TRIM13: variants seen among roughly 807,000 people sequenced by gnomAD.
The protein encoded by TRIM13 is E3 ubiquitin-protein ligase TRIM13.
TRIM13 carries 15 observed loss-of-function variants against 27.1 expected under a neutral mutation model. The observed-to-expected ratio is 0.55, with a 90% CI of 0.37 to 0.85. The LOEUF is 0.85. Among genes scored for constraint, TRIM13 ranks in the 40% least tolerant of loss-of-function variants. The pLI is 0.00. For synonymous variants in TRIM13, 193 were observed against 171.5 expected (o/e 1.13, Z -0.98); for missense variants, 402 against 472.2 (o/e 0.85, Z 1.38).
Position 50,015,110 on chromosome 13 carries a change from T to A in TRIM13, c.*1946T>A, listed in dbSNP as rs1306195196. On this transcript the variant is annotated 3_prime_UTR_variant, in exon 2 of 2. Transcript: ENST00000378182. ...AAAAAAAAAAATATATATATATATA[T>A]ATATATATATATATATATATATATA... 1.1e-3 allele frequency: 11 copies of A among 10,274 alleles called. No homozygotes were observed. Among genetic ancestry groups the A allele is most frequent in the African/African-American group, 3.0e-3 (11 of 3,614 alleles). 0.6% of individuals were successfully genotyped at this position (10,274 alleles called of 1,614,324 possible).
chr13:50,008,286 A>T (rs1456529982), intron 1 of TRIM13, among the ~76,000 whole-genome samples: 1 of 152,130 alleles, frequency 6.6e-6, no homozygotes, highest in Non-Finnish European at 1.5e-5. Flanking sequence ...TGATAATGTG[A>T]TATGTGCATA....
At chr13:50,011,654 G>GTTGTCCTAGTCCTGAGTC (rs1346821818) in intron 1 of TRIM13, among the ~76,000 whole-genome samples, 3 of 152,182 alleles carry the variant, frequency 2.0e-5, no homozygotes, top group African/African-American at 7.2e-5. Context: ...TCAACTTGCA[G>GTTGTCCTAGTCCTGAGTC]TTGTCCTAGT....
Position 50,011,952 on chromosome 13 carries a change from TGAA to T in TRIM13, c.18_20del (p.Glu6del), listed in dbSNP as rs1875716762. 1.2e-6 allele frequency: 2 copies of T among 1,609,708 alleles called. No homozygotes were observed. Among genetic ancestry groups the T allele is most frequent in the African/African-American group, 1.3e-5 (1 of 74,866 alleles). ...TCTGGTAGGATGTGATGGAGCTGCT[TGAA>T]GAAGATCTCACATGCCCTATTTGTT... On this transcript the variant is annotated inframe_deletion, in exon 2 of 2. Transcript: ENST00000378182.
chr13:50,015,528 G>A lies in TRIM13; in HGVS notation c.*2364G>A. The A allele has an allele frequency of 6.2e-7, 1 of 1,613,804 alleles. No homozygotes were observed. The highest frequency in any genetic ancestry group is 8.5e-7 in the Non-Finnish European group (1 of 1,179,828). ...CAGGAACTGGTCACTTTGAATGTGG[G>A]AGGGAAGATATTCACGACAAGGTTT... On this transcript the variant is annotated 3_prime_UTR_variant, in exon 2 of 2. Coordinates refer to ENST00000378182, the MANE Select transcript of TRIM13 (RefSeq NM_213590.3).
Position 50,015,627 on chromosome 13 carries a change from T to C in TRIM13, c.*2463T>C. 5 of 1,614,144 alleles carry C rather than the reference T, an allele frequency of 3.1e-6. No homozygotes were observed. The highest frequency in any genetic ancestry group is 4.2e-6 in the Non-Finnish European group (5 of 1,179,984). On this transcript the variant is annotated 3_prime_UTR_variant, in exon 2 of 2. Transcript: ENST00000378182. ...GGCAGAGACCAAGAATTCAAGATGG[T>C]TGGTGGCCAGATTTTTGTAGACAGA...
intron 1 of TRIM13, among the ~76,000 whole-genome samples, chr13:50,011,428 A>C (rs1302694317): frequency 1.3e-5 from 2 of 152,204 alleles, no homozygotes; most frequent in African/African-American, 4.8e-5. Flanking sequence ...AAAAATTGTA[A>C]TCTTGCCTTT....
Position 50,017,481 on chromosome 13 carries a change from C to T in TRIM13, c.*4317C>T, listed in dbSNP as rs566129746. 23 of 167,180 alleles carry T rather than the reference C, an allele frequency of 1.4e-4. No individual in the cohort carries two copies. The highest frequency in any genetic ancestry group is 5.3e-4 in the African/African-American group (22 of 41,578). The allele number at this position is 167,180 out of a possible 1,614,324, so 10.4% of individuals were successfully genotyped here. ...CCCTTTTTATGTTGTGTTTTAGAAA[C>T]AGCACGAAAGTTTTTTCCATTTTAA... On this transcript the variant is annotated 3_prime_UTR_variant, in exon 2 of 2. Coordinates refer to ENST00000378182, the MANE Select transcript of TRIM13 (RefSeq NM_213590.3).
At chr13:50,009,758 AC>A (rs1230271648) in intron 1 of TRIM13, among the ~76,000 whole-genome samples, 36 of 144,078 alleles carry the variant, frequency 2.5e-4, no homozygotes, top group African/African-American at 5.1e-4. Context: ...AAAAAAAAAA[AC>A]AACAACAACA....
rs1010555047 is a variant in TRIM13 at position 49,997,506 on chromosome 13, C to T, written c.-264C>T. ...TGGCGCCGGGGGAGGGCGCCCTAAC[C>T]GAGAAGCTGCTTAATACAAAGAGCT... On this transcript the variant is annotated 5_prime_UTR_variant, in exon 1 of 2. Transcript: ENST00000378182. 2 of 152,208 alleles carry T rather than the reference C, an allele frequency of 1.3e-5. No homozygotes were observed. The highest frequency in any genetic ancestry group is 4.8e-5 in the African/African-American group (2 of 41,428). 9.4% of individuals were successfully genotyped at this position (152,208 alleles called of 1,614,324 possible). A position where few individuals can be genotyped will look rare whatever the true frequency, so the allele number is the denominator to read the frequency against.
In TRIM13 at chr13:50,016,197, C is replaced by G. The variant is rs774720782; in HGVS notation, c.*3033C>G. ...ATTCAAAATAATGTTTTGGGGTAAC[C>G]AGTGGAGTTGGGTAGAATGACCAAA... is the stretch of plus-strand genomic sequence containing the variant. On this transcript the variant is annotated 3_prime_UTR_variant, in exon 2 of 2. Transcript: ENST00000378182. The G allele has an allele frequency of 3.7e-5, 26 of 708,696 alleles. No homozygotes were observed. The highest frequency in any genetic ancestry group is 6.1e-5 in the Non-Finnish European group (26 of 423,976). 43.9% of individuals were successfully genotyped at this position (708,696 alleles called of 1,614,324 possible).
At chr13:50,003,601 T>A (rs1460926995) in intron 1 of TRIM13, among the ~76,000 whole-genome samples, 1 of 152,240 alleles carries the variant, frequency 6.6e-6, no homozygotes, top group African/African-American at 2.4e-5. Context: ...TATGACACGT[T>A]TACTTTGTAA....
At chr13:50,009,118 C>T (rs1875218539) in intron 1 of TRIM13, among the ~76,000 whole-genome samples, 1 of 60,776 alleles carries the variant, frequency 1.6e-5, no homozygotes, top group Admixed American at 1.8e-4. Flanking sequence ...TTAAAAAATA[C>T]TCACGTAAAA....
rs767333520 is a variant in TRIM13, at chr13:50,017,106, G to A, written c.*3942G>A. 1.2e-5 allele frequency: 2 copies of A among 167,008 alleles called. No homozygotes were observed. The highest frequency in any genetic ancestry group is 1.5e-5 in the Non-Finnish European group (1 of 68,102). 10.3% of individuals were successfully genotyped at this position (167,008 alleles called of 1,614,324 possible). ...ATTTTGGGAAAAGAGAGCCAGTCAA[G>A]CTAGTAGGCTGATTGTGAAGAAAAT... On this transcript the variant is annotated 3_prime_UTR_variant, in exon 2 of 2. Coordinates refer to ENST00000378182, the MANE Select transcript of TRIM13 (RefSeq NM_213590.3).
Position 50,016,130 on chromosome 13 carries a change from A to T in TRIM13, c.*2966A>T. 1 of 1,298,280 alleles carries T rather than the reference A, an allele frequency of 7.7e-7. No individual in the cohort carries two copies. Among genetic ancestry groups the T allele is most frequent in the East Asian group, 2.4e-5 (1 of 42,436 alleles). 80.4% of individuals were successfully genotyped at this position (1,298,280 alleles called of 1,614,324 possible). A position where few individuals can be genotyped will look rare whatever the true frequency, so the allele number is the denominator to read the frequency against. On this transcript the variant is annotated 3_prime_UTR_variant, in exon 2 of 2. Transcript: ENST00000378182. ...CCAGTTTGTGATGTTTTCTCTAAAA[A>T]CTTGAAGTTCCTCAGGCCTGTAACT...
In TRIM13 at chr13:50,016,293, A is replaced by T. The variant is rs961034211; in HGVS notation, c.*3129A>T. 6.4e-6 allele frequency: 3 copies of T among 467,012 alleles called. No homozygotes were observed. Among genetic ancestry groups the T allele is most frequent in the Non-Finnish European group, 1.2e-5 (3 of 255,222 alleles). The allele number at this position is 467,012 out of a possible 1,614,324, so 28.9% of individuals were successfully genotyped here. A position where few individuals can be genotyped will look rare whatever the true frequency, so the allele number is the denominator to read the frequency against. ...TTATTAGGTGGGACAAAAGGAATAA[A>T]TGAAGACTGCCCAGAAAAAACTGAG... On this transcript the variant is annotated 3_prime_UTR_variant, in exon 2 of 2. Coordinates refer to ENST00000378182, the MANE Select transcript of TRIM13 (RefSeq NM_213590.3).
Position 50,012,953 on chromosome 13 carries a change from G to A in TRIM13, c.1013G>A (p.Trp338Ter). 1 of 1,613,550 alleles carries A rather than the reference G, an allele frequency of 6.2e-7. No individual in the cohort carries two copies. Among genetic ancestry groups the A allele is most frequent in the Non-Finnish European group, 8.5e-7 (1 of 1,179,826 alleles). ...TTTGGTCCTACCATGTTCCTAGAAT[G>A]GTCATTATTTGATGACCTGGCAACT... The part of the protein sequence containing the change: ...IVFGPTMFLE[W>*]SLFDDLATWK... The change falls in exon 2 of 2, where the codon TGG (tryptophan) becomes TAG (stop). Residue 338 changes from tryptophan to a stop codon, truncating the protein, a stop_gained. Transcript: ENST00000378182. LOFTEE classifies it high-confidence loss of function.
chr13:50,004,846 A>C (rs1874478329), intron 1 of TRIM13, among the ~76,000 whole-genome samples: 1 of 151,232 alleles, frequency 6.6e-6, no homozygotes, highest in African/African-American at 2.4e-5. Flanking sequence ...GAGGCCAAGG[A>C]GGGCGGATTA....
Position 50,002,536 on chromosome 13 carries a change from G to GA in TRIM13, c.-7+4777dup, listed in dbSNP as rs576661519. 2.0e-3 allele frequency among the ~76,000 whole-genome samples: 308 copies of GA among 152,172 alleles called. 2 individuals carry two copies. Among genetic ancestry groups the GA allele is most frequent in the African/African-American group, 7.0e-3 (291 of 41,514 alleles). ...TTAGTTTTTCCACCCATTTTATTGT[G>GA]AAAATGTTCAAACAGAGAAAACTCA... On this transcript the variant is annotated intron_variant, in intron 1 of 1. Transcript: ENST00000378182.
intron 1 of TRIM13, among the ~76,000 whole-genome samples, chr13:50,008,272 T>C (rs956397464): frequency 6.6e-6 from 1 of 152,206 alleles, no homozygotes; most frequent in Non-Finnish European, 1.5e-5. Flanking sequence ...TAATGTGATA[T>C]TGTTGATAAT....
Sources: allele counts gnomAD v4.1 joint callset (sites outside exome capture counted in the v4.1 genomes callset), GRCh38; gene constraint gnomAD v4.1.1; transcripts MANE v1.5; gene names NCBI Gene and HGNC (gene_info 2026-07-23, HGNC 2026-07-21).